Variants in EHMT2 observed in about 807,000 individuals in gnomAD.
EHMT2 encodes euchromatic histone lysine methyltransferase 2, also known as histone-lysine N-methyltransferase EHMT2.
Under a neutral mutation model 143.3 loss-of-function variants are expected in EHMT2, and 59 were observed. The ratio of observed to expected loss-of-function variants is 0.41; its 90% CI spans 0.33 to 0.51. The LOEUF (loss-of-function observed/expected upper bound fraction) is 0.51. Among genes scored for constraint, EHMT2 ranks in the 20% least tolerant of loss-of-function variants. The pLI, the probability that EHMT2 is intolerant of heterozygous loss-of-function variation, is 0.18. For synonymous variants in EHMT2, 604 were observed against 651.5 expected, an observed-to-expected ratio of 0.93 and a Z score of 1.11; for missense variants, 1,174 against 1,645.9, an observed-to-expected ratio of 0.71 and a Z score of 4.96.
At chr6:31,895,145 C>T (rs1766218436) in intron 4 of EHMT2, among the ~76,000 whole-genome samples, 1 of 152,224 alleles carries the variant, frequency 6.6e-6, no homozygotes, top group Non-Finnish European at 1.5e-5. Context: ...TGATCAGGCT[C>T]AGCGAGAAGT....
At position 31,896,903 on chromosome 6, in the gene EHMT2, C is replaced by T. The variant is rs186541170; in HGVS notation, c.109+20G>A. 5.6e-6 allele frequency: 9 copies of T among 1,608,984 alleles called. No homozygotes were observed. The highest frequency in any genetic ancestry group is 5.9e-6 in the Non-Finnish European group (7 of 1,178,602). ...AGGGAAGGTGACGGTCCAATTGGGG[C>T]CCGTTTTAGCTGCACTCACCTCTCT... On this transcript the variant is annotated intron_variant, in intron 2 of 27. Transcript: ENST00000375537.
intron 18 of EHMT2, 154 bp from the exon 19 acceptor site, chr6:31,885,170 C>T (rs556347394): frequency 1.0e-5 from 11 of 1,078,988 alleles, no homozygotes; most frequent in Middle Eastern, 2.3e-4. Flanking sequence ...GTCGCAGTTT[C>T]TTCATCTAAA....
At position 31,889,357 on chromosome 6, in the gene EHMT2, G is replaced by C; in HGVS notation, c.1000-15C>G. The C allele has an allele frequency of 6.2e-7, 1 of 1,611,282 alleles. No homozygotes were observed. Among genetic ancestry groups the C allele is most frequent in the African/African-American group, 1.3e-5 (1 of 74,966 alleles). Reference sequence around the variant, plus strand: ...CTGGAACCACTCTGGGAAGGGGGAGGAGGAGGAGTTAGGAACCCTCACCCC... The same window carrying C: ...CTGGAACCACTCTGGGAAGGGGGAGCAGGAGGAGTTAGGAACCCTCACCCC... On this transcript the variant is annotated splice_polypyrimidine_tract_variant and intron_variant, in intron 8 of 27. Transcript: ENST00000375537. This position sits in a 1 kb window ranked among gnomAD's most constrained non-coding sequence, Gnocchi z 5.1.
chr6:31,893,231 C>A (rs538780821), intron 4 of EHMT2: 24 of 505,226 alleles, frequency 4.8e-5, no homozygotes, highest in South Asian at 4.5e-4. Context: ...AGCTGAGGTG[C>A]GGAAGCAACT....
intron 7 of EHMT2, among the ~76,000 whole-genome samples, chr6:31,890,634 G>T (rs1402221733): frequency 6.6e-6 from 1 of 150,918 alleles, no homozygotes; most frequent in Admixed American, 6.6e-5. Flanking sequence ...GGGAGGCCGA[G>T]GTGGGCAGAT....
chr6:31,893,962 A>T (rs1304506237), intron 4 of EHMT2, among the ~76,000 whole-genome samples: 1 of 152,106 alleles, frequency 6.6e-6, no homozygotes, highest in Non-Finnish European at 1.5e-5. Flanking sequence ...TTATATACTT[A>T]AAAATGTTTT....
At position 31,883,605 on chromosome 6, in the gene EHMT2, C is replaced by T; in HGVS notation, c.2917-166G>A. On this transcript the variant is annotated intron_variant, in intron 22 of 27. Transcript: ENST00000375537. This position sits in a 1 kb window ranked among gnomAD's most constrained non-coding sequence, Gnocchi z 5.6. ...ACGGGTAATCAGTATGGTGGTGTCCCCAGGGCTACTGGGAGCTCATATGAT... is the reference window on the plus strand; with the variant it reads ...ACGGGTAATCAGTATGGTGGTGTCCTCAGGGCTACTGGGAGCTCATATGAT... 2 of 989,778 alleles carry T rather than the reference C, an allele frequency of 2.0e-6. No individual in the cohort carries two copies. The highest frequency in any genetic ancestry group is 3.1e-6 in the Non-Finnish European group (2 of 654,206). The allele number at this position is 989,778 out of a possible 1,614,324, so 61.3% of individuals were successfully genotyped here.
At chr6:31,887,320 CCACTGTG>C in intron 15 of EHMT2, among the ~76,000 whole-genome samples, 1 of 152,322 alleles carries the variant, frequency 6.6e-6, no homozygotes, top group Admixed American at 6.5e-5. Flanking sequence ...CTTCTCAGTA[CCACTGTG>C]CACTGTGCAA....
intron 1 of EHMT2, 95 bp downstream of exon 1, chr6:31,897,533 GGGCCCCCC>G: frequency 1.1e-6 from 1 of 910,282 alleles, no homozygotes; most frequent in Non-Finnish European, 1.3e-6. Context: ...AGTCCCGCCC[GGGCCCCCC>G]GGCCCCGTTG....
chr6:31,887,738 C>A, intron 14 of EHMT2, 41 bp downstream of exon 14: 1 of 1,604,000 alleles, frequency 6.2e-7, no homozygotes. Flanking sequence ...ACTCCTCTGG[C>A]CTCAGCCCCA....
rs1349695575 is a variant in EHMT2 at position 31,888,415 on chromosome 6, G to A, written c.1457C>T (p.Ala486Val). The change falls in exon 12 of 28, where the codon GCC becomes GTC. Residue 486 changes from alanine (A) to valine (V), a missense_variant. Coordinates refer to ENST00000375537, the Ensembl canonical transcript of EHMT2. The surrounding 1 kb of genome is among the most constrained non-coding windows in gnomAD (Gnocchi z 7.4). ...GCAGCAGTGGTGTTTGACCATGCGGGCGCGGTGGGTCTCACAGAGCACCAT... is the reference window on the plus strand; with the variant it reads ...GCAGCAGTGGTGTTTGACCATGCGGACGCGGTGGGTCTCACAGAGCACCAT... 1.2e-6 allele frequency: 2 copies of A among 1,612,858 alleles called. No individual in the cohort carries two copies. Among genetic ancestry groups the A allele is most frequent in the Non-Finnish European group, 1.7e-6 (2 of 1,179,940 alleles).
chr6:31,896,544 A>G, intron 3 of EHMT2, 28 bp from the exon 4 acceptor site: 1 of 1,609,746 alleles, frequency 6.2e-7, no homozygotes, highest in Non-Finnish European at 8.5e-7. Flanking sequence ...AAAAGGCAAG[A>G]TAAGAAAGAA....
At chr6:31,895,412 C>T (rs929274981) in intron 4 of EHMT2, 3 of 151,576 alleles carry the variant, frequency 2.0e-5, no homozygotes, top group Non-Finnish European at 4.4e-5. Context: ...CGGCTCCTTC[C>T]AGAGCAGGGC....
Position 31,883,212 on chromosome 6 carries a change from C to G in EHMT2, c.2994+150G>C. 4.4e-6 allele frequency: 4 copies of G among 918,912 alleles called. No individual in the cohort carries two copies. The highest frequency in any genetic ancestry group is 3.2e-5 in the South Asian group (2 of 63,394). 56.9% of individuals were successfully genotyped at this position (918,912 alleles called of 1,614,324 possible). A position where few individuals can be genotyped will look rare whatever the true frequency, so the allele number is the denominator to read the frequency against. ...ACGCCCATCGCTGTCCCAGCCACAT[C>G]CCAGGATTCCCAGGCCTTGCCCAGT... On this transcript the variant is annotated intron_variant, in intron 23 of 27. Transcript: ENST00000375537. This position sits in a 1 kb window ranked among gnomAD's most constrained non-coding sequence, Gnocchi z 5.6.
chr6:31,882,019 C>T (rs962425099), intron 25 of EHMT2, among the ~76,000 whole-genome samples: 3 of 151,422 alleles, frequency 2.0e-5, no homozygotes, highest in East Asian at 1.9e-4. Context: ...GCAGGAGAAT[C>T]GCTTGAACCT....
At chr6:31,891,333 A>G (rs1765655990) in intron 7 of EHMT2, among the ~76,000 whole-genome samples, 1 of 149,572 alleles carries the variant, frequency 6.7e-6, no homozygotes, top group South Asian at 2.1e-4. Flanking sequence ...AAATGTGAAG[A>G]CTGACAGGAT....
At chr6:31,882,309 C>G (rs1764206589) in intron 25 of EHMT2, among the ~76,000 whole-genome samples, 1 of 151,990 alleles carries the variant, frequency 6.6e-6, no homozygotes. Flanking sequence ...AAATAAGGCT[C>G]AAAGAGGTTA....
Position 31,886,905 on chromosome 6 carries a change from G to C in EHMT2, c.2119-8C>G, listed in dbSNP as rs769848602. 7 of 1,614,064 alleles carry C rather than the reference G, an allele frequency of 4.3e-6. No homozygotes were observed. The Admixed American group carries it at 8.3e-5, about 19-fold the overall frequency. On this transcript the variant is annotated splice_region_variant and splice_polypyrimidine_tract_variant and intron_variant, in intron 16 of 27. Coordinates refer to ENST00000375537, the Ensembl canonical transcript of EHMT2. ...ATTTATGTTGGCTCCAGCCTGTGAGGGGGCAGGAGGGCTGGCACCAGGGAG... is the reference window on the plus strand; with the variant it reads ...ATTTATGTTGGCTCCAGCCTGTGAGCGGGCAGGAGGGCTGGCACCAGGGAG...
At chr6:31,879,861 G>T in exon 28 of EHMT2, 1 of 557,084 alleles carries the variant, frequency 1.8e-6, no homozygotes, top group Non-Finnish European at 3.2e-6. Context: ...GAACACGGGG[G>T]GTGGCCAGCC....
Sources: allele counts gnomAD v4.1 joint callset (sites outside exome capture counted in the v4.1 genomes callset), GRCh38; gene constraint gnomAD v4.1.1; non-coding constraint Gnocchi (gnomAD v3.1); transcripts MANE v1.5; gene names NCBI Gene and HGNC (gene_info 2026-07-23, HGNC 2026-07-21).